PPM1L: variants seen among roughly 807,000 people sequenced by gnomAD.
PPM1L encodes the protein protein phosphatase, Mg2+/Mn2+ dependent 1L, also known as protein phosphatase 1L.
Under a neutral mutation model 31.4 loss-of-function variants are expected in PPM1L, and 13 were observed. That is an observed-to-expected ratio of 0.41 (90% CI 0.27 to 0.66). PPM1L has a LOEUF of 0.66. PPM1L is among the 30% of genes least tolerant of loss of function. The pLI is 0.29. For missense variants in PPM1L, 326 were observed against 453.7 expected (o/e 0.72, Z 2.56); for synonymous variants, 184 against 175.4 (o/e 1.05, Z -0.39).
intron 2 of PPM1L, among the ~76,000 whole-genome samples, chr3:161,047,540 C>T (rs1184209673): frequency 6.6e-6 from 1 of 152,118 alleles, no homozygotes; most frequent in Non-Finnish European, 1.5e-5. Context: ...CAATGCCATC[C>T]CCATCAAGCT....
chr3:160,992,180 A>C (rs1372285986), intron 2 of PPM1L, among the ~76,000 whole-genome samples: 1 of 152,196 alleles, frequency 6.6e-6, no homozygotes, highest in Non-Finnish European at 1.5e-5. Context: ...AGGCTTAGTA[A>C]AGGATATGGG....
intron 1 of PPM1L, among the ~76,000 whole-genome samples, chr3:160,849,546 G>T (rs902060428): frequency 6.6e-6 from 1 of 151,292 alleles, no homozygotes; most frequent in African/African-American, 2.4e-5. Context: ...TCAGCCTCCC[G>T]AGTAGCTGGG....
At chr3:160,929,569 G>A (rs113902319) in intron 1 of PPM1L, among the ~76,000 whole-genome samples, 18 of 152,326 alleles carry the variant, frequency 1.2e-4, no homozygotes, top group African/African-American at 3.8e-4. Flanking sequence ...CTAGTTAAGT[G>A]TTTAAAGCTG....
chr3:160,911,929 G>A (rs1713986275), intron 1 of PPM1L, among the ~76,000 whole-genome samples: 1 of 152,184 alleles, frequency 6.6e-6, no homozygotes, highest in African/African-American at 2.4e-5. Context: ...TGAACCCTGA[G>A]AGTAGTTTGT....
chr3:160,840,947 T>C (rs1713860540), intron 1 of PPM1L, among the ~76,000 whole-genome samples: 1 of 152,130 alleles, frequency 6.6e-6, no homozygotes, highest in Non-Finnish European at 1.5e-5. Flanking sequence ...AAATGTCAAA[T>C]CTCTTCTGGA....
chr3:160,809,588 C>T (rs1712749183), intron 1 of PPM1L, among the ~76,000 whole-genome samples: 1 of 152,174 alleles, frequency 6.6e-6, no homozygotes, highest in South Asian at 2.1e-4. Flanking sequence ...CTTCTAGCTT[C>T]ACTTTGATAG....
intron 1 of PPM1L, among the ~76,000 whole-genome samples, chr3:160,880,908 G>A (rs775788049): frequency 1.3e-5 from 2 of 152,006 alleles, no homozygotes; most frequent in African/African-American, 4.8e-5. Flanking sequence ...TCTTTCAAAT[G>A]GTATTAGGAT....
intron 1 of PPM1L, among the ~76,000 whole-genome samples, chr3:160,781,948 T>C (rs539760257): frequency 1.3e-4 from 20 of 152,352 alleles, no homozygotes; most frequent in African/African-American, 4.8e-4. Flanking sequence ...ATTACTTATT[T>C]TTGGCCAGTG....
At chr3:161,055,710 A>C (rs938076950) in intron 2 of PPM1L, among the ~76,000 whole-genome samples, 9 of 151,732 alleles carry the variant, frequency 5.9e-5, no homozygotes, top group Middle Eastern at 3.4e-3. Context: ...CTATCTCTCT[A>C]TGTCTCGCCC....
chr3:160,769,152 G>C lies in PPM1L; in HGVS notation c.399+12445G>C, dbSNP rs376715770. On this transcript the variant is annotated intron_variant, in intron 1 of 3. Coordinates refer to ENST00000498165, the MANE Select transcript of PPM1L (RefSeq NM_139245.4). The stretch of plus-strand genomic sequence containing the variant: ...ACTCATCATAATTCATTCTGGGTCT[G>C]AGGAGGAGCCCAGCCTCTGGAGGAC... Among the ~76,000 whole-genome samples, 14 of 152,310 alleles carry C rather than the reference G, an allele frequency of 9.2e-5. 1 individual carries two copies. The highest frequency in any genetic ancestry group is 3.1e-4 in the African/African-American group (13 of 41,570).
intron 1 of PPM1L, among the ~76,000 whole-genome samples, chr3:160,815,688 C>T (rs1274589332): frequency 6.6e-6 from 1 of 152,096 alleles, no homozygotes; most frequent in Non-Finnish European, 1.5e-5. Context: ...ATCATTCTAC[C>T]ATTAGAAATT....
intron 1 of PPM1L, among the ~76,000 whole-genome samples, chr3:160,757,103 A>G (rs1037864508): frequency 2.8e-4 from 42 of 152,194 alleles, no homozygotes; most frequent in African/African-American, 9.2e-4. Context: ...TTTGAGCTGA[A>G]CTAGGCACAG....
At position 161,038,107 on chromosome 3, in the gene PPM1L, G is replaced by A. The variant is rs1287004733; in HGVS notation, c.575-27296G>A. Among the ~76,000 whole-genome samples, 7 of 151,088 alleles carry A rather than the reference G, an allele frequency of 4.6e-5. No individual in the cohort carries two copies. In the South Asian group the frequency reaches 6.3e-4, roughly 14 times the overall value. ...AAATTAGCCGGGCGTAGTGGCGGGC[G>A]CCTGTAGTCCCAGCTACTCGGGAGG... On this transcript the variant is annotated intron_variant, in intron 2 of 3. Transcript: ENST00000498165.
At chr3:160,907,614 A>G (rs972707328) in intron 1 of PPM1L, among the ~76,000 whole-genome samples, 1 of 152,186 alleles carries the variant, frequency 6.6e-6, no homozygotes, top group Admixed American at 6.5e-5. Context: ...ATCTAGCCAA[A>G]TTCCTTTTTA....
intron 1 of PPM1L, among the ~76,000 whole-genome samples, chr3:160,780,064 C>T (rs1045030444): frequency 2.0e-5 from 3 of 151,788 alleles, no homozygotes; most frequent in African/African-American, 7.3e-5. Flanking sequence ...TCCTCCATTG[C>T]CCAGGCTGTG....
chr3:160,891,937 G>A (rs1713161795), intron 1 of PPM1L, among the ~76,000 whole-genome samples: 1 of 152,098 alleles, frequency 6.6e-6, no homozygotes, highest in South Asian at 2.1e-4. Context: ...ATAACTGGGA[G>A]TTGAATAATG....
chr3:160,839,075 T>C lies in PPM1L; in HGVS notation c.399+82368T>C, dbSNP rs113358816. 1.1e-3 allele frequency among the ~76,000 whole-genome samples: 167 copies of C among 152,298 alleles called. 1 individual carries two copies. Among genetic ancestry groups the C allele is most frequent in the African/African-American group, 3.6e-3 (149 of 41,560 alleles). On this transcript the variant is annotated intron_variant, in intron 1 of 3. Coordinates refer to ENST00000498165, the MANE Select transcript of PPM1L (RefSeq NM_139245.4). ...TCACCATGAGATGCCCTCTGCTCTG[T>C]TATGACATGGCAAGAAGGCCCTCAC...
intron 1 of PPM1L, among the ~76,000 whole-genome samples, chr3:160,928,310 T>G (rs1455924592): frequency 6.6e-6 from 1 of 152,180 alleles, no homozygotes; most frequent in Non-Finnish European, 1.5e-5. Context: ...AGCAACAGAC[T>G]GCACACCCAT....
intron 2 of PPM1L, among the ~76,000 whole-genome samples, chr3:161,015,731 G>A (rs1416668490): frequency 6.6e-6 from 1 of 152,186 alleles, no homozygotes; most frequent in Non-Finnish European, 1.5e-5. Flanking sequence ...GCTAGCTGTT[G>A]TTTGGATGGG....
Sources: allele counts gnomAD v4.1 joint callset (sites outside exome capture counted in the v4.1 genomes callset), GRCh38; gene constraint gnomAD v4.1.1; transcripts MANE v1.5; gene names NCBI Gene and HGNC (gene_info 2026-07-23, HGNC 2026-07-21).